The following RTN4RL2 variants were observed in gnomAD, a reference collection of about 807,000 sequenced individuals.
The protein encoded by RTN4RL2 is reticulon-4 receptor-like 2.
A neutral mutation model predicts 27.8 loss-of-function variants in RTN4RL2; 9 were observed. That is an observed-to-expected ratio of 0.32 (90% CI 0.20 to 0.57). The LOEUF is 0.57. RTN4RL2 is among the 20% of genes least tolerant of loss of function. The pLI is 0.90. For synonymous variants in RTN4RL2, 285 were observed against 297.9 expected (o/e 0.96, Z 0.45); for missense variants, 436 against 596.8 (o/e 0.73, Z 2.81).
intron 2 of RTN4RL2, among the ~76,000 whole-genome samples, chr11:57,474,475 G>A (rs1943584577): frequency 6.6e-6 from 1 of 152,198 alleles, no homozygotes; most frequent in Non-Finnish European, 1.5e-5. Context: ...AGGCAGTGAG[G>A]GAGGGAGTGC....
chr11:57,466,623 C>CG (rs1300082128), intron 1 of RTN4RL2, among the ~76,000 whole-genome samples: 1 of 151,744 alleles, frequency 6.6e-6, no homozygotes, highest in African/African-American at 2.4e-5. Context: ...TAAGGCCCCT[C>CG]CCGGCACAAA....
At chr11:57,461,871 G>C (rs1374912012) in intron 1 of RTN4RL2, among the ~76,000 whole-genome samples, 1 of 152,006 alleles carries the variant, frequency 6.6e-6, no homozygotes, top group Non-Finnish European at 1.5e-5. Flanking sequence ...GGGAAGAGGA[G>C]GAGGAAGAGA....
intron 1 of RTN4RL2, among the ~76,000 whole-genome samples, chr11:57,465,464 G>A (rs1305455682): frequency 3.3e-5 from 5 of 152,314 alleles, no homozygotes; most frequent in Admixed American, 6.5e-5. Context: ...TCAGAGTGCA[G>A]AAACAAGTCT....
chr11:57,462,609 G>T (rs1252298730), intron 1 of RTN4RL2, among the ~76,000 whole-genome samples: 1 of 152,198 alleles, frequency 6.6e-6, no homozygotes, highest in Admixed American at 6.5e-5. Flanking sequence ...CTTCTACAGG[G>T]GCCTCCGGCC....
intron 1 of RTN4RL2, 46 bp downstream of exon 1, chr11:57,460,942 A>C: frequency 7.9e-7 from 1 of 1,270,606 alleles, no homozygotes; most frequent in Non-Finnish European, 1.0e-6. Context: ...CTGGGGAGAG[A>C]AGCAGGGCGT....
At chr11:57,466,610 C>T (rs1430388995) in intron 1 of RTN4RL2, among the ~76,000 whole-genome samples, 1 of 152,152 alleles carries the variant, frequency 6.6e-6, no homozygotes, top group Non-Finnish European at 1.5e-5. Flanking sequence ...GAGACCCGAC[C>T]CTTAAGGCCC....
intron 2 of RTN4RL2, among the ~76,000 whole-genome samples, chr11:57,473,190 G>T (rs981372541): frequency 3.9e-5 from 6 of 152,108 alleles, no homozygotes; most frequent in African/African-American, 7.2e-5. Flanking sequence ...GTAGACACTC[G>T]GTACAGCTCT....
rs559569081 is a variant in RTN4RL2, at chr11:57,461,042, C to T, written c.31+146C>T. ...GCTCAGCGCTGGGGCCGCGCCCCCG[C>T]CGCCAGGGCTGTTCTCAGCAGGAGG... On this transcript the variant is annotated intron_variant, in intron 1 of 2. Transcript: ENST00000335099. 4.5e-5 allele frequency: 21 copies of T among 471,078 alleles called. No homozygotes were observed. In the South Asian group the frequency reaches 1.4e-3, roughly 32 times the overall value. The allele number at this position is 471,078 out of a possible 1,614,324, so 29.2% of individuals were successfully genotyped here.
At position 57,467,657 on chromosome 11, in the gene RTN4RL2, C is replaced by A. The variant is rs535846311; in HGVS notation, c.80C>A (p.Ala27Glu). ...LLLMLLALPL[A>E]APSCPMLCTC... ...CTGATGCTCCTGGCCCTGCCCCTGGCGGCCCCCAGCTGCCCCATGCTCTGC... is the reference window on the plus strand; with the variant it reads ...CTGATGCTCCTGGCCCTGCCCCTGGAGGCCCCCAGCTGCCCCATGCTCTGC... Residue 27 changes from alanine (A) to glutamate (E), a missense_variant, in exon 2 of 3, where the codon GCG becomes GAG. By Grantham distance (107) the Ala-to-Glu change is moderately radical. Transcript: ENST00000335099. The surrounding 1 kb of genome is among the most constrained non-coding windows in gnomAD (Gnocchi z 5.5). 2.4e-5 allele frequency: 39 copies of A among 1,610,446 alleles called. No individual in the cohort carries two copies. Among genetic ancestry groups the A allele is most frequent in the Non-Finnish European group, 3.3e-5 (39 of 1,178,976 alleles).
Position 57,476,653 on chromosome 11 carries a change from C to T in RTN4RL2, c.1005C>T (p.Ala335=). 2.1e-6 allele frequency: 3 copies of T among 1,409,122 alleles called. No individual in the cohort carries two copies. The highest frequency in any genetic ancestry group is 2.8e-6 in the Non-Finnish European group (3 of 1,090,292). The allele number at this position is 1,409,122 out of a possible 1,614,324, so 87.3% of individuals were successfully genotyped here. Residue 335 remains alanine, a synonymous_variant, in exon 3 of 3, where the codon GCC becomes GCT. Transcript: ENST00000335099. The surrounding 1 kb of genome is among the most constrained non-coding windows in gnomAD (Gnocchi z 8.2). ...CCTCCAACCACCTGTACGGGGTGGC[C>T]GAGGCCGGGGCGCCCCCAGCCGATC... ...NSSSNHLYGV[A]EAGAPPADPS...
Position 57,477,055 on chromosome 11 carries a change from G to GGCCGCCTCTCCTTGCCT in RTN4RL2, c.*148_*164dup. ...CAGCTCCTCTCCTCCCCGGGGAGCA[G>GGCCGCCTCTCCTTGCCT]GCCGCCTCTCCTTGCCTGCCCCCTG... On this transcript the variant is annotated 3_prime_UTR_variant, in exon 3 of 3. Coordinates refer to ENST00000335099, the MANE Select transcript of RTN4RL2 (RefSeq NM_178570.3). 1 of 827,414 alleles carries GGCCGCCTCTCCTTGCCT rather than the reference G, an allele frequency of 1.2e-6. No homozygotes were observed. Among genetic ancestry groups the GGCCGCCTCTCCTTGCCT allele is most frequent in the African/African-American group, 1.8e-5 (1 of 55,170 alleles). The allele number at this position is 827,414 out of a possible 1,614,324, so 51.3% of individuals were successfully genotyped here. A position where few individuals can be genotyped will look rare whatever the true frequency, so the allele number is the denominator to read the frequency against.
intron 1 of RTN4RL2, among the ~76,000 whole-genome samples, 194 bp downstream of exon 1, chr11:57,461,090 G>A (rs746536578): frequency 6.6e-6 from 1 of 152,180 alleles, no homozygotes; most frequent in Non-Finnish European, 1.5e-5. Flanking sequence ...GAGCCCGCGG[G>A]CGCGTGCGAG....
Position 57,460,894 on chromosome 11 carries a change from A to G in RTN4RL2, c.29A>G (p.Gln10Arg), listed in dbSNP as rs1487134027. 3.7e-5 allele frequency: 52 copies of G among 1,403,236 alleles called. No homozygotes were observed. The highest frequency in any genetic ancestry group is 4.7e-5 in the Non-Finnish European group (50 of 1,064,278). The allele number at this position is 1,403,236 out of a possible 1,614,324, so 86.9% of individuals were successfully genotyped here. A position where few individuals can be genotyped will look rare whatever the true frequency, so the allele number is the denominator to read the frequency against. Residue 10 changes from glutamine (Q) to arginine (R), a missense_variant and splice_region_variant, in exon 1 of 3, where the codon CAA (glutamine) becomes CGA (arginine). Around this residue, in one of 3 missense-constraint regions of RTN4RL2, gnomAD observed 365 missense variants for 530.5 expected, o/e 0.69. Coordinates refer to ENST00000335099, the MANE Select transcript of RTN4RL2 (RefSeq NM_178570.3). MLPGLRRLLQAPASACLLLM... is the reference protein window; with the variant it reads MLPGLRRLLRAPASACLLLM... ...CTGCCCGGGCTCAGGCGCCTGCTGC[A>G]AGGTAAGAACGCCAGCGGCGGGAGA...
At chr11:57,469,651 C>T (rs1227369781) in intron 2 of RTN4RL2, among the ~76,000 whole-genome samples, 1 of 152,174 alleles carries the variant, frequency 6.6e-6, no homozygotes. Context: ...CCTTATTTAA[C>T]ATTGGTTTCA....
chr11:57,474,652 G>A (rs576266041), intron 2 of RTN4RL2, among the ~76,000 whole-genome samples: 64 of 152,320 alleles, frequency 4.2e-4, no homozygotes, highest in Non-Finnish European at 8.7e-4. Context: ...TTCCCTCTCT[G>A]GCAAGCCCTT....
chr11:57,474,064 T>G (rs753725790), intron 2 of RTN4RL2, among the ~76,000 whole-genome samples: 4 of 152,014 alleles, frequency 2.6e-5, no homozygotes, highest in Admixed American at 6.5e-5. Context: ...ATTTAGGTGT[T>G]TTGAGTGGCA....
chr11:57,467,577 C>A lies in RTN4RL2; in HGVS notation c.32-32C>A. The A allele has an allele frequency of 6.4e-7, 1 of 1,571,236 alleles. No individual in the cohort carries two copies. Among genetic ancestry groups the A allele is most frequent in the South Asian group, 1.2e-5 (1 of 84,056 alleles). ...AGCTGGCACTCCTGCCCTGGAAGCC[C>A]ACCTAGTAAGTTCTGCTTCCCCTCC... On this transcript the variant is annotated intron_variant, in intron 1 of 2. Transcript: ENST00000335099. This position sits in a 1 kb window ranked among gnomAD's most constrained non-coding sequence, Gnocchi z 5.5.
chr11:57,476,873 C>A lies in RTN4RL2; in HGVS notation c.1225C>A (p.Leu409Met), dbSNP rs749739467. ...GCTCTCGGCCGGGCTCCCCAGCCCT[C>A]TGCTTTGCCTCCTGCTCCTGGTGCC... ...PALSAGLPSP[L>M]LCLLLLVPHH... The change falls in exon 3 of 3, where the codon CTG (leucine) becomes ATG (methionine). Residue 409 changes from leucine to methionine, a missense_variant. By Grantham distance (15) the Leu-to-Met change is conservative (BLOSUM62 2). Transcript: ENST00000335099. This position sits in a 1 kb window ranked among gnomAD's most constrained non-coding sequence, Gnocchi z 8.2. 23 of 1,577,376 alleles carry A rather than the reference C, an allele frequency of 1.5e-5. No homozygotes were observed. Among genetic ancestry groups the A allele is most frequent in the Non-Finnish European group, 1.9e-5 (22 of 1,168,496 alleles).
intron 2 of RTN4RL2, among the ~76,000 whole-genome samples, chr11:57,471,687 C>T (rs1042464910): frequency 3.9e-5 from 6 of 152,190 alleles, no homozygotes; most frequent in Admixed American, 2.0e-4. Context: ...TGGGGAAGGG[C>T]CAGGCACTGT....
Sources: allele counts gnomAD v4.1 joint callset (sites outside exome capture counted in the v4.1 genomes callset), GRCh38; gene constraint gnomAD v4.1.1; regional missense constraint gnomAD v4.1.1; non-coding constraint Gnocchi (gnomAD v3.1); transcripts MANE v1.5; gene names NCBI Gene and HGNC (gene_info 2026-07-23, HGNC 2026-07-21).